TENM2: variants seen among roughly 807,000 people sequenced by gnomAD.
The protein encoded by TENM2 is teneurin transmembrane protein 2.
A neutral mutation model predicts 245.2 loss-of-function variants in TENM2; 52 were observed. The ratio of observed to expected loss-of-function variants is 0.21; its 90% CI spans 0.17 to 0.27. The LOEUF (loss-of-function observed/expected upper bound fraction) is 0.27. TENM2 is among the 10% of genes least tolerant of loss of function. The pLI, the probability that TENM2 is intolerant of heterozygous loss-of-function variation, is 1.00. For synonymous variants in TENM2, 1,363 were observed against 1,438.9 expected (o/e 0.95, Z 1.19); for missense variants, 3,046 against 3,666.8 (o/e 0.83, Z 4.37).
intron 2 of TENM2, among the ~76,000 whole-genome samples, chr5:167,799,255 A>G (rs1765532968): frequency 6.6e-6 from 1 of 152,160 alleles, no homozygotes; most frequent in Non-Finnish European, 1.5e-5. Flanking sequence ...TTGAGATTTT[A>G]AATGAACAAT....
chr5:167,745,500 T>C (rs12520082), intron 2 of TENM2, among the ~76,000 whole-genome samples: 15,410 of 152,254 alleles, frequency 0.1, 1,419 homozygotes, highest in East Asian at 0.44. Flanking sequence ...ACACACTTTT[T>C]AAAAAATAGC....
At chr5:167,474,597 T>C (rs1767247881) in intron 2 of TENM2, among the ~76,000 whole-genome samples, 1 of 151,500 alleles carries the variant, frequency 6.6e-6, no homozygotes, top group Non-Finnish European at 1.5e-5. Context: ...CACTGCAACC[T>C]CTGCCTCATG....
At chr5:167,829,791 G>T (rs1768305359) in intron 2 of TENM2, among the ~76,000 whole-genome samples, 1 of 152,190 alleles carries the variant, frequency 6.6e-6, no homozygotes, top group Non-Finnish European at 1.5e-5. Context: ...TCTGACAAAG[G>T]CAGGCACAGA....
chr5:167,329,897 T>C (rs1393636916), intron 1 of TENM2, among the ~76,000 whole-genome samples: 3 of 152,168 alleles, frequency 2.0e-5, no homozygotes. Context: ...ATAAAGCATT[T>C]GTGTCAGTGG....
chr5:167,690,492 C>A (rs1757355432), intron 2 of TENM2, among the ~76,000 whole-genome samples: 1 of 152,122 alleles, frequency 6.6e-6, no homozygotes, highest in Non-Finnish European at 1.5e-5. Context: ...ATACAGATAT[C>A]TTTCTTCACA....
intron 2 of TENM2, among the ~76,000 whole-genome samples, chr5:167,772,730 G>T (rs529112033): frequency 6.6e-6 from 1 of 152,100 alleles, no homozygotes; most frequent in South Asian, 2.1e-4. Context: ...AGCCAGGCTT[G>T]CATGTTAAAT....
At chr5:167,083,823 C>T in the TENM2 span, among the ~76,000 whole-genome samples, 1 of 152,134 alleles carries the variant, frequency 6.6e-6, no homozygotes, top group African/African-American at 2.4e-5. Flanking sequence ...AAGATTATGC[C>T]TCTGCATAGT....
intron 2 of TENM2, among the ~76,000 whole-genome samples, chr5:167,530,327 A>G (rs1240729529): frequency 6.6e-6 from 1 of 152,218 alleles, no homozygotes; most frequent in Non-Finnish European, 1.5e-5. Flanking sequence ...AGGGTGGGCC[A>G]CCTAAAAATT....
At chr5:167,733,300 A>C (rs1760567506) in intron 2 of TENM2, among the ~76,000 whole-genome samples, 1 of 152,184 alleles carries the variant, frequency 6.6e-6, no homozygotes, top group Non-Finnish European at 1.5e-5. Context: ...CTGTGTCAGT[A>C]AATGGTTAAT....
Position 167,825,114 on chromosome 5 carries a change from A to G in TENM2, c.503-50872A>G, listed in dbSNP as rs191758842. ...TATGTTCATATTCCTATCTGGATTT[A>G]TATTTTTACATATTTGTGTAATGGT... On this transcript the variant is annotated intron_variant, in intron 2 of 28. Transcript: ENST00000518659. Among the ~76,000 whole-genome samples, 302 of 152,262 alleles carry G rather than the reference A, an allele frequency of 2.0e-3. 1 individual carries two copies. The highest frequency in any genetic ancestry group is 6.8e-3 in the Middle Eastern group (2 of 294).
chr5:167,426,951 C>T (rs921823326), intron 2 of TENM2, among the ~76,000 whole-genome samples: 15 of 152,048 alleles, frequency 9.9e-5, no homozygotes, highest in African/African-American at 3.6e-4. Flanking sequence ...ATAAAAACTA[C>T]AAGGACAGAT....
intron 6 of TENM2, among the ~76,000 whole-genome samples, chr5:168,055,438 G>A (rs772336343): frequency 2.0e-5 from 3 of 152,154 alleles, no homozygotes; most frequent in Non-Finnish European, 2.9e-5. Context: ...ACCAACACCA[G>A]CAATTTGCAG....
intron 2 of TENM2, among the ~76,000 whole-genome samples, chr5:167,685,532 A>C (rs574740565): frequency 1.3e-5 from 2 of 152,266 alleles, no homozygotes; most frequent in African/African-American, 4.8e-5. Flanking sequence ...TCAATATCTC[A>C]GTGGTTGATA....
chr5:167,900,108 C>A, intron 3 of TENM2, among the ~76,000 whole-genome samples: 1 of 61,722 alleles, frequency 1.6e-5, no homozygotes. Flanking sequence ...GCCCTCAACC[C>A]ACTAAAAAAA....
At chr5:168,174,798 G>A (rs1759198699) in intron 13 of TENM2, among the ~76,000 whole-genome samples, 1 of 152,160 alleles carries the variant, frequency 6.6e-6, no homozygotes, top group African/African-American at 2.4e-5. Flanking sequence ...GGTTCACTGA[G>A]GTCCTTTCCA....
chr5:167,295,628 G>A (rs2127726747), intron 1 of TENM2, among the ~76,000 whole-genome samples: 1 of 152,304 alleles, frequency 6.6e-6, no homozygotes, highest in Middle Eastern at 3.4e-3. Context: ...CATTTTCAAT[G>A]TCATGTTTTA....
intron 2 of TENM2, among the ~76,000 whole-genome samples, chr5:167,448,117 C>T (rs1765340640): frequency 6.6e-6 from 1 of 152,140 alleles, no homozygotes; most frequent in Admixed American, 6.5e-5. Context: ...TTCCCAGTGG[C>T]AGTCAGAATT....
At chr5:167,207,984 C>A in the TENM2 span, among the ~76,000 whole-genome samples, 1 of 152,170 alleles carries the variant, frequency 6.6e-6, no homozygotes, top group Non-Finnish European at 1.5e-5. Context: ...GAGCTCCTGA[C>A]CTCAGGTGAT....
chr5:167,092,204 C>T, the TENM2 span, among the ~76,000 whole-genome samples: 1 of 152,140 alleles, frequency 6.6e-6, no homozygotes, highest in East Asian at 1.9e-4. Flanking sequence ...CATTTAGCGA[C>T]GTGAAAACTA....
Sources: gnomAD v4.1 joint callset for allele counts (sites outside exome capture counted in the v4.1 genomes callset) on GRCh38, gnomAD v4.1.1 for gene constraint, MANE v1.5 for transcripts, NCBI Gene and HGNC (gene_info 2026-07-23, HGNC 2026-07-21) for gene names.